Variants in DACH1 observed in about 807,000 individuals in gnomAD.
DACH1 encodes the protein dachshund family transcription factor 1, also known as dachshund homolog 1.
Under a neutral mutation model 54.2 loss-of-function variants are expected in DACH1, and 12 were observed. The ratio of observed to expected loss-of-function variants is 0.22; its 90% CI spans 0.14 to 0.36. The LOEUF (loss-of-function observed/expected upper bound fraction) is 0.36, where lower values mean the gene tolerates loss of function less well. DACH1 is among the 10% of genes least tolerant of loss of function. The pLI, the probability that DACH1 is intolerant of heterozygous loss-of-function variation, is 1.00. For missense variants in DACH1, 805 were observed against 929.8 expected, an observed-to-expected ratio of 0.87 and a Z score of 1.75; for synonymous variants, 386 against 366.2, an observed-to-expected ratio of 1.05 and a Z score of -0.62.
chr13:71,544,464 G>T lies in DACH1; in HGVS notation c.1570+12560C>A, dbSNP rs1332424634. The stretch of plus-strand genomic sequence containing the variant: ...CACAGTGGTGCTTACCACATAGCAG[G>T]TAATAACAAATTTCTGAATGAATAA... On this transcript the variant is annotated intron_variant, in intron 6 of 10. Coordinates refer to ENST00000613252, the MANE Select transcript of DACH1 (RefSeq NM_080759.6). 5.9e-5 allele frequency among the ~76,000 whole-genome samples: 9 copies of T among 151,954 alleles called. No individual in the cohort carries two copies. In the East Asian group the frequency reaches 1.2e-3, roughly 20 times the overall value.
At chr13:71,719,191 T>C (rs1250311943) in intron 1 of DACH1, among the ~76,000 whole-genome samples, 2 of 152,206 alleles carry the variant, frequency 1.3e-5, no homozygotes, top group Non-Finnish European at 2.9e-5. Context: ...TATTTGCATT[T>C]AAAAGAGGCT....
chr13:71,866,337 T>TGCC lies in DACH1; in HGVS notation c.432_433insGGC (p.Ser144_Ser145insGly). 7.2e-7 allele frequency: 1 copy of TGCC among 1,387,276 alleles called. No homozygotes were observed. 85.9% of individuals were successfully genotyped at this position (1,387,276 alleles called of 1,614,324 possible). ...CTGCTGCTGCTGCTGCTGCTGCTAC[T>TGCC]GCTGCTGCTGCTGCTGCCGGTGCTG... On this transcript the variant is annotated inframe_insertion, in exon 1 of 11. Transcript: ENST00000613252.
intron 10 of DACH1, among the ~76,000 whole-genome samples, chr13:71,442,689 GT>G (rs1304296868): frequency 2.7e-5 from 4 of 150,790 alleles, no homozygotes; most frequent in East Asian, 3.9e-4. Context: ...TGTATACTAT[GT>G]TTTTTTTTGT....
chr13:71,682,259 A>G (rs1169693205), intron 1 of DACH1, among the ~76,000 whole-genome samples: 1 of 152,218 alleles, frequency 6.6e-6, no homozygotes, highest in Non-Finnish European at 1.5e-5. Flanking sequence ...TATTACAGTC[A>G]GCCTGCTATT....
At chr13:71,617,025 G>A (rs1275069044) in intron 3 of DACH1, among the ~76,000 whole-genome samples, 1 of 151,804 alleles carries the variant, frequency 6.6e-6, no homozygotes, top group Admixed American at 6.6e-5. Context: ...GGGATTACAG[G>A]TGCCCACCAT....
intron 1 of DACH1, among the ~76,000 whole-genome samples, chr13:71,758,205 T>G (rs897295871): frequency 6.7e-6 from 1 of 150,290 alleles, no homozygotes; most frequent in African/African-American, 2.4e-5. Flanking sequence ...ATTGTCAGGA[T>G]TTTTTTAGAG....
At chr13:71,470,775 A>G (rs545461584) in intron 10 of DACH1, among the ~76,000 whole-genome samples, 1 of 152,212 alleles carries the variant, frequency 6.6e-6, no homozygotes, top group African/African-American at 2.4e-5. Context: ...TCCTTCAGGG[A>G]ATAGCAGGCA....
intron 2 of DACH1, among the ~76,000 whole-genome samples, chr13:71,668,814 A>G (rs1351895012): frequency 6.6e-6 from 1 of 151,736 alleles, no homozygotes. Context: ...AATCCCAGCT[A>G]CTCCAGAGGC....
intron 1 of DACH1, among the ~76,000 whole-genome samples, chr13:71,714,471 T>C (rs570473902): frequency 6.6e-6 from 1 of 152,264 alleles, no homozygotes; most frequent in African/African-American, 2.4e-5. Context: ...AACTTGTTCA[T>C]ACTTTAACTT....
chr13:71,505,448 A>G (rs1056116228), intron 6 of DACH1, among the ~76,000 whole-genome samples: 12 of 152,184 alleles, frequency 7.9e-5, no homozygotes, highest in African/African-American at 2.7e-4. Flanking sequence ...TAAAATAACC[A>G]TATAAGTCTA....
intron 1 of DACH1, among the ~76,000 whole-genome samples, chr13:71,842,303 G>C (rs148175514): frequency 6.6e-6 from 1 of 152,038 alleles, no homozygotes; most frequent in Admixed American, 6.6e-5. Flanking sequence ...ATGGTCGGGC[G>C]TGGTGGCTCA....
chr13:71,472,167 A>G (rs1877137485), intron 10 of DACH1, among the ~76,000 whole-genome samples: 1 of 152,216 alleles, frequency 6.6e-6, no homozygotes, highest in African/African-American at 2.4e-5. Flanking sequence ...TTCTGTACTT[A>G]TAGCATTTTT....
intron 1 of DACH1, among the ~76,000 whole-genome samples, chr13:71,835,439 A>C (rs1888746934): frequency 6.6e-6 from 1 of 152,092 alleles, no homozygotes; most frequent in African/African-American, 2.4e-5. Context: ...TAAAACAACA[A>C]GGGTAAGAAT....
intron 1 of DACH1, among the ~76,000 whole-genome samples, chr13:71,769,134 A>T (rs1025947254): frequency 6.6e-6 from 1 of 151,792 alleles, no homozygotes; most frequent in Non-Finnish European, 1.5e-5. Flanking sequence ...TAGAATAGCA[A>T]CTTGAGCCAG....
intron 2 of DACH1, among the ~76,000 whole-genome samples, chr13:71,665,485 A>C (rs1879771730): frequency 6.6e-6 from 1 of 152,044 alleles, no homozygotes; most frequent in African/African-American, 2.4e-5. Flanking sequence ...ACAGTTCTTA[A>C]GCTTTCCACC....
intron 3 of DACH1, among the ~76,000 whole-genome samples, chr13:71,601,851 CTA>C (rs1327939183): frequency 6.6e-6 from 1 of 151,836 alleles, no homozygotes; most frequent in Non-Finnish European, 1.5e-5. Context: ...CCAGAATATG[CTA>C]TTTCAACATT....
chr13:71,787,538 T>C (rs971028071), intron 1 of DACH1, among the ~76,000 whole-genome samples: 1 of 152,192 alleles, frequency 6.6e-6, no homozygotes, highest in Non-Finnish European at 1.5e-5. Flanking sequence ...CTACAGAATA[T>C]GCGCAGCATT....
At chr13:71,456,837 T>C (rs1875605244) in intron 10 of DACH1, among the ~76,000 whole-genome samples, 1 of 152,092 alleles carries the variant, frequency 6.6e-6, no homozygotes, top group African/African-American at 2.4e-5. Flanking sequence ...AGTTCAAAGC[T>C]GTATAGCCAT....
rs113479343 is a variant in DACH1, at chr13:71,867,023, G to A, written c.-254C>T. The A allele has an allele frequency of 5.2e-6, 1 of 192,574 alleles. No individual in the cohort carries two copies. The highest frequency in any genetic ancestry group is 2.5e-5 in the African/African-American group (1 of 40,534). 11.9% of individuals were successfully genotyped at this position (192,574 alleles called of 1,614,324 possible). A position where few individuals can be genotyped will look rare whatever the true frequency, so the allele number is the denominator to read the frequency against. ...AAAAGTGTCCCGCAAGTCGAAATGC[G>A]AGTCCTCTCCGGGGGCTGGGATCGA... On this transcript the variant is annotated 5_prime_UTR_variant, in exon 1 of 11. Transcript: ENST00000613252.
Sources: gnomAD v4.1 joint callset for allele counts (sites outside exome capture counted in the v4.1 genomes callset) on GRCh38, gnomAD v4.1.1 for gene constraint, MANE v1.5 for transcripts, NCBI Gene and HGNC (gene_info 2026-07-23, HGNC 2026-07-21) for gene names.